GLRA3: variants seen among roughly 807,000 people sequenced by gnomAD.
GLRA3 encodes the protein glycine receptor alpha 3.
GLRA3 carries 44 observed loss-of-function variants against 60.4 expected under a neutral mutation model. The ratio of observed to expected loss-of-function variants is 0.73; its 90% confidence interval spans 0.57 to 0.94. The LOEUF is 0.94. GLRA3 is among the 40% of genes least tolerant of loss of function. GLRA3 has a pLI of 0.00. For missense variants in GLRA3, 508 were observed against 564.6 expected (o/e 0.90, Z 1.02); for synonymous variants, 223 against 192.9 (o/e 1.16, Z -1.29).
chr4:174,685,551 G>A (rs1734524446), intron 5 of GLRA3, among the ~76,000 whole-genome samples: 1 of 152,132 alleles, frequency 6.6e-6, no homozygotes, highest in Non-Finnish European at 1.5e-5. Context: ...ACAGATGTGG[G>A]AACCTGAAGG....
chr4:174,826,643 T>C, intron 1 of GLRA3, among the ~76,000 whole-genome samples: 1 of 152,208 alleles, frequency 6.6e-6, no homozygotes, highest in East Asian at 1.9e-4. Flanking sequence ...TAGTGAATTA[T>C]TTACTTATAA....
At chr4:174,696,362 A>T (rs562442812) in intron 5 of GLRA3, among the ~76,000 whole-genome samples, 3 of 151,510 alleles carry the variant, frequency 2.0e-5, no homozygotes, top group African/African-American at 7.2e-5. Context: ...TTAAAGAAAA[A>T]CAAATTTTAT....
intron 5 of GLRA3, among the ~76,000 whole-genome samples, chr4:174,699,845 ATAATTAATGCATTAATTATT>A (rs1735232772): frequency 6.6e-6 from 1 of 150,868 alleles, no homozygotes; most frequent in African/African-American, 2.4e-5. Context: ...TTATTAATTA[ATAATTAATGCATTAATTATT>A]TAATTAATAC....
At chr4:174,779,154 T>TCCCTGAC (rs1281493131) in intron 2 of GLRA3, among the ~76,000 whole-genome samples, 10 of 151,968 alleles carry the variant, frequency 6.6e-5, no homozygotes, top group Non-Finnish European at 1.3e-4. Context: ...CTCAAGTGGG[T>TCCCTGAC]CCCTGACCCC....
At chr4:174,782,126 A>C (rs1204374630) in intron 2 of GLRA3, among the ~76,000 whole-genome samples, 4 of 147,506 alleles carry the variant, frequency 2.7e-5, no homozygotes, top group Admixed American at 1.4e-4. Flanking sequence ...ACCATGATCA[A>C]GTGGGCTTCA....
At chr4:174,753,043 C>A (rs999757278) in intron 3 of GLRA3, among the ~76,000 whole-genome samples, 4 of 152,100 alleles carry the variant, frequency 2.6e-5, no homozygotes, top group Non-Finnish European at 5.9e-5. Flanking sequence ...GTTTTAAAAC[C>A]AAATTTTTAA....
At chr4:174,660,161 A>G (rs1338827395) in intron 7 of GLRA3, among the ~76,000 whole-genome samples, 1 of 152,084 alleles carries the variant, frequency 6.6e-6, no homozygotes, top group East Asian at 1.9e-4. Flanking sequence ...CATTTATAAC[A>G]TTGATAAAAT....
At chr4:174,658,805 C>T (rs944351994) in intron 8 of GLRA3, among the ~76,000 whole-genome samples, 5 of 152,014 alleles carry the variant, frequency 3.3e-5, no homozygotes, top group South Asian at 2.1e-4. Flanking sequence ...TTCCAGGAAG[C>T]GCATTAAAAA....
chr4:174,806,419 T>C (rs1740055268), intron 1 of GLRA3, among the ~76,000 whole-genome samples: 1 of 152,122 alleles, frequency 6.6e-6, no homozygotes, highest in Admixed American at 6.6e-5. Context: ...AGAATATTTG[T>C]TCCCCCATAT....
intron 3 of GLRA3, among the ~76,000 whole-genome samples, chr4:174,749,217 G>A (rs1737366127): frequency 6.6e-6 from 1 of 152,150 alleles, no homozygotes; most frequent in South Asian, 2.1e-4. Flanking sequence ...TCAGGCAAGG[G>A]TAGCAGCTTT....
chr4:174,777,781 A>T (rs535533811), intron 2 of GLRA3, among the ~76,000 whole-genome samples: 1 of 152,184 alleles, frequency 6.6e-6, no homozygotes, highest in Non-Finnish European at 1.5e-5. Context: ...GATGCCAATA[A>T]CAGGGTACAC....
rs1732521725 is a variant in GLRA3 at position 174,637,440 on chromosome 4, A to T, written c.*6346T>A. 6.6e-6 allele frequency: 1 copy of T among 152,152 alleles called. No individual in the cohort carries two copies. The highest frequency in any genetic ancestry group is 1.5e-5 in the Non-Finnish European group (1 of 68,038). 9.4% of individuals were successfully genotyped at this position (152,152 alleles called of 1,614,324 possible). A position where few individuals can be genotyped will look rare whatever the true frequency, so the allele number is the denominator to read the frequency against. The stretch of plus-strand genomic sequence containing the variant: ...ATACAAATTTAAGTAATGACCATTG[A>T]ATAATTCATAGAGAAAAAAGTGAAG... On this transcript the variant is annotated 3_prime_UTR_variant, in exon 10 of 10. Transcript: ENST00000274093.
rs538826039 is a variant in GLRA3, at chr4:174,642,067, T to C, written c.*1719A>G. 7.0e-5 allele frequency: 57 copies of C among 819,540 alleles called. 1 individual carries two copies. The African/African-American group carries it at 9.8e-4, about 14-fold the overall frequency. 50.8% of individuals were successfully genotyped at this position (819,540 alleles called of 1,614,324 possible). A position where few individuals can be genotyped will look rare whatever the true frequency, so the allele number is the denominator to read the frequency against. ...CATTTGCACATAATGCCAAACATGA[T>C]ATTATTTCCTTATAGTGTTGTTTTA... On this transcript the variant is annotated 3_prime_UTR_variant, in exon 10 of 10. Coordinates refer to ENST00000274093, the MANE Select transcript of GLRA3 (RefSeq NM_006529.4).
intron 2 of GLRA3, among the ~76,000 whole-genome samples, chr4:174,776,966 C>A (rs181910048): frequency 2.0e-5 from 3 of 151,674 alleles, no homozygotes; most frequent in Non-Finnish European, 4.4e-5. Context: ...TAACTGAGGA[C>A]AAATCTGAAC....
At chr4:174,680,667 G>A (rs1021031858) in intron 6 of GLRA3, among the ~76,000 whole-genome samples, 1 of 152,150 alleles carries the variant, frequency 6.6e-6, no homozygotes, top group Non-Finnish European at 1.5e-5. Context: ...AGAGGTAAAA[G>A]ATTTTGGAGA....
chr4:174,784,344 C>T (rs1015251289), intron 2 of GLRA3, among the ~76,000 whole-genome samples: 2 of 144,160 alleles, frequency 1.4e-5, no homozygotes, highest in African/African-American at 5.2e-5. Flanking sequence ...GGAGGGATAG[C>T]ATTGGGAGAT....
intron 1 of GLRA3, among the ~76,000 whole-genome samples, chr4:174,792,308 T>C (rs1405362100): frequency 6.6e-6 from 1 of 152,180 alleles, no homozygotes; most frequent in Non-Finnish European, 1.5e-5. Context: ...AGGCCCTCCC[T>C]TGTTGGCTTG....
chr4:174,810,363 C>G (rs949571538), intron 1 of GLRA3, among the ~76,000 whole-genome samples: 1 of 151,954 alleles, frequency 6.6e-6, no homozygotes, highest in Non-Finnish European at 1.5e-5. Context: ...AGGCAACTCT[C>G]TCCCCTTCAA....
intron 3 of GLRA3, among the ~76,000 whole-genome samples, chr4:174,738,956 C>T (rs571748099): frequency 1.3e-5 from 2 of 152,272 alleles, no homozygotes; most frequent in African/African-American, 4.8e-5. Flanking sequence ...GGGACTATGC[C>T]CATATACCAG....
Sources: allele counts gnomAD v4.1 joint callset (sites outside exome capture counted in the v4.1 genomes callset), GRCh38; gene constraint gnomAD v4.1.1; transcripts MANE v1.5; gene names NCBI Gene and HGNC (gene_info 2026-07-23, HGNC 2026-07-21).